The following GSE1 variants were observed in gnomAD, a reference collection of about 807,000 sequenced individuals.
The protein encoded by GSE1 is Gse1 coiled-coil protein.
A neutral mutation model predicts 112.6 loss-of-function variants in GSE1; 32 were observed. The observed-to-expected ratio is 0.28, with a 90% CI of 0.21 to 0.38. GSE1 has a LOEUF of 0.38. Among genes scored for constraint, GSE1 ranks in the 10% least tolerant of loss-of-function variants. The probability of loss-of-function intolerance (pLI) is 1.00; values close to 1 mark genes in which losing one functional copy is unlikely to be tolerated. For synonymous variants in GSE1, 1,115 were observed against 735.6 expected, an observed-to-expected ratio of 1.52 and a Z score of -8.35; for missense variants, 2,348 against 1,699.2, an observed-to-expected ratio of 1.38 and a Z score of -6.71.
chr16:85,299,935 CAAAAAA>C (rs35622442), intron 1 of GSE1, among the ~76,000 whole-genome samples: 1 of 84,216 alleles, frequency 1.2e-5, no homozygotes, highest in Non-Finnish European at 2.7e-5. Context: ...GACCCTGTCT[CAAAAAA>C]AAAAAAAAAA....
chr16:85,610,112 A>T (rs1183675934), upstream of GSE1, among the ~76,000 whole-genome samples: 1 of 152,234 alleles, frequency 6.6e-6, no homozygotes, highest in East Asian at 1.9e-4. Flanking sequence ...TTGGAGGCAC[A>T]GTTTAGCTTG....
intron 12 of GSE1, among the ~76,000 whole-genome samples, 154 bp from the exon 13 acceptor site, chr16:85,665,822 A>G (rs537828764): frequency 6.6e-6 from 1 of 152,334 alleles, no homozygotes; most frequent in South Asian, 2.1e-4. Context: ...GAGAATAGCC[A>G]TGTGCGCGGC....
intron 2 of GSE1, among the ~76,000 whole-genome samples, chr16:85,418,116 C>G (rs555222275): frequency 6.6e-6 from 1 of 152,346 alleles, no homozygotes; most frequent in Non-Finnish European, 1.5e-5. Context: ...GGATTACAGG[C>G]GTGAGCCACC....
chr16:85,516,586 C>T, intron 2 of GSE1, among the ~76,000 whole-genome samples: 1 of 80,480 alleles, frequency 1.2e-5, no homozygotes, highest in African/African-American at 4.3e-5. Flanking sequence ...GACCCTGTCT[C>T]AAAAAAAAAA....
chr16:85,466,160 G>A (rs1431127990), intron 2 of GSE1, among the ~76,000 whole-genome samples: 1 of 152,216 alleles, frequency 6.6e-6, no homozygotes, highest in East Asian at 1.9e-4. Flanking sequence ...GTGTTGAAAG[G>A]ACAAGGGCGG....
At chr16:85,610,048 T>TCACA (rs908683616), upstream of GSE1, among the ~76,000 whole-genome samples, 2 of 152,162 alleles carry the variant, frequency 1.3e-5, no homozygotes, top group African/African-American at 4.8e-5. Context: ...CACCTAGGTG[T>TCACA]CACTGAAGCA....
At chr16:85,378,060 A>G (rs8056111) in intron 2 of GSE1, among the ~76,000 whole-genome samples, 143,380 of 152,228 alleles carry the variant, frequency 0.94, 68,172 homozygotes, top group East Asian at 1. Flanking sequence ...AATGGCAGCC[A>G]CGTCTCTTGG....
intron 1 of GSE1, among the ~76,000 whole-genome samples, chr16:85,294,333 C>T (rs1282272580): frequency 6.6e-6 from 1 of 152,160 alleles, no homozygotes; most frequent in African/African-American, 2.4e-5. Context: ...GAACCTGTAC[C>T]CTCTGGAGTC....
intron 11 of GSE1, among the ~76,000 whole-genome samples, chr16:85,663,952 C>G (rs943954006): frequency 1.3e-5 from 2 of 152,402 alleles, no homozygotes; most frequent in East Asian, 3.9e-4. Flanking sequence ...CCAGGTTTGT[C>G]TGCTGCAGGC....
At chr16:85,217,610 G>C (rs1433074525) in intron 1 of GSE1, among the ~76,000 whole-genome samples, 1 of 152,220 alleles carries the variant, frequency 6.6e-6, no homozygotes, top group African/African-American at 2.4e-5. Flanking sequence ...GCCTGGTTGT[G>C]AGAGTTAAAT....
At chr16:85,557,943 G>T (rs536618735) in intron 1 of GSE1, among the ~76,000 whole-genome samples, 1 of 151,816 alleles carries the variant, frequency 6.6e-6, no homozygotes, top group South Asian at 2.1e-4. Flanking sequence ...ATTTTCCAGC[G>T]TTTCCATTCC....
At chr16:85,380,901 G>A (rs2047532361) in intron 2 of GSE1, among the ~76,000 whole-genome samples, 1 of 152,188 alleles carries the variant, frequency 6.6e-6, no homozygotes, top group Non-Finnish European at 1.5e-5. Flanking sequence ...AACGCGGTGA[G>A]CCCTGGTAAA....
intron 1 of GSE1, among the ~76,000 whole-genome samples, chr16:85,556,615 C>G (rs549702589): frequency 8.0e-5 from 12 of 150,748 alleles, no homozygotes; most frequent in African/African-American, 2.7e-4. Context: ...TTGCGCGTCT[C>G]GCTCCTTTTG....
chr16:85,569,802 G>C (rs1039187009), intron 1 of GSE1, among the ~76,000 whole-genome samples: 3 of 152,238 alleles, frequency 2.0e-5, no homozygotes, highest in East Asian at 1.9e-4. Context: ...CACTGCATCA[G>C]GCCTGTGTGG....
chr16:85,213,194 G>A (rs2075254628), intron 1 of GSE1, among the ~76,000 whole-genome samples: 1 of 150,184 alleles, frequency 6.7e-6, no homozygotes, highest in African/African-American at 2.5e-5. Context: ...TCTTGAACCC[G>A]GGAGGCAGAG....
chr16:85,667,151 G>A lies in GSE1; in HGVS notation c.3130+804G>A, dbSNP rs75594168. 1.5e-3 allele frequency among the ~76,000 whole-genome samples: 225 copies of A among 152,350 alleles called. 1 individual carries two copies. The highest frequency in any genetic ancestry group is 5.2e-3 in the African/African-American group (217 of 41,574). ...ATACAGTGCTACTGAGATGCCTTTC[G>A]AAACTTCAGAATACCCTCCCTCCCT... On this transcript the variant is annotated intron_variant, in intron 13 of 15. Transcript: ENST00000253458.
chr16:85,642,074 G>A (rs548041523), intron 2 of GSE1, among the ~76,000 whole-genome samples: 12 of 152,242 alleles, frequency 7.9e-5, no homozygotes, highest in African/African-American at 2.2e-4. Flanking sequence ...TGGCATCGCC[G>A]TTGGTGGGTC....
chr16:85,444,206 G>A (rs1010058386), intron 2 of GSE1, among the ~76,000 whole-genome samples: 1 of 152,042 alleles, frequency 6.6e-6, no homozygotes, highest in Non-Finnish European at 1.5e-5. Flanking sequence ...GGATGGTCTC[G>A]ATCTCTTGAC....
chr16:85,661,324 A>G lies in GSE1; in HGVS notation c.1819A>G (p.Ser607Gly), dbSNP rs779740139. 4.3e-6 allele frequency: 7 copies of G among 1,612,538 alleles called. No homozygotes were observed. Among genetic ancestry groups the G allele is most frequent in the South Asian group, 3.3e-5 (3 of 91,032 alleles). ...TRRAESHSLH[S>G]HPAAFEPSRQ... ...GCGGGCCGAAAGCCACTCTCTGCAC[A>G]GCCACCCGGCTGCATTTGAGCCCAG... Residue 607 changes from serine to glycine, a missense_variant, in exon 9 of 16, where the codon AGC becomes GGC. By Grantham distance (56) the Ser-to-Gly change is moderately conservative. Transcript: ENST00000253458.
Sources: allele counts gnomAD v4.1 joint callset (sites outside exome capture counted in the v4.1 genomes callset), GRCh38; gene constraint gnomAD v4.1.1; transcripts MANE v1.5; gene names NCBI Gene and HGNC (gene_info 2026-07-23, HGNC 2026-07-21).